ELAVL2: variants seen among roughly 807,000 people sequenced by gnomAD.
ELAVL2 encodes ELAV like RNA binding protein 2.
Under a neutral mutation model 34.6 loss-of-function variants are expected in ELAVL2, and 4 were observed. The observed-to-expected ratio is 0.12, with a 90% CI of 0.06 to 0.26. The LOEUF (loss-of-function observed/expected upper bound fraction) is 0.26, where lower values mean the gene tolerates loss of function less well. ELAVL2 is among the 10% of genes least tolerant of loss of function. The pLI is 1.00. For missense variants in ELAVL2, 432 were observed against 442.8 expected, an observed-to-expected ratio of 0.98 and a Z score of 0.22; for synonymous variants, 193 against 154.8, an observed-to-expected ratio of 1.25 and a Z score of -1.83.
At position 23,692,259 on chromosome 9, in the gene ELAVL2, TC is replaced by T. The variant is rs1165981516; in HGVS notation, c.*297del. The T allele has an allele frequency of 7.9e-6, 2 of 252,964 alleles. No homozygotes were observed. The highest frequency in any genetic ancestry group is 1.5e-5 in the Non-Finnish European group (2 of 131,570). The allele number at this position is 252,964 out of a possible 1,614,324, so 15.7% of individuals were successfully genotyped here. A position where few individuals can be genotyped will look rare whatever the true frequency, so the allele number is the denominator to read the frequency against. On this transcript the variant is annotated 3_prime_UTR_variant, in exon 7 of 7. Transcript: ENST00000397312. Reference sequence around the variant, plus strand: ...CAGTTATGTAAAAAGAAAAGAAATGTCTTCCCTTAGCTGAAACACTTTAAAA... The same window carrying T: ...CAGTTATGTAAAAAGAAAAGAAATGTTTCCCTTAGCTGAAACACTTTAAAA...
rs753544119 is a variant in ELAVL2 at position 23,692,530 on chromosome 9, T to G, written c.*27A>C. Reference sequence around the variant, plus strand: ...TTGCCTTTGTTGTATAGTTTTCATATATAAATGGACTGAGGACAAGAGCTC... The same window carrying G: ...TTGCCTTTGTTGTATAGTTTTCATAGATAAATGGACTGAGGACAAGAGCTC... On this transcript the variant is annotated 3_prime_UTR_variant, in exon 7 of 7. Coordinates refer to ENST00000397312, the MANE Select transcript of ELAVL2 (RefSeq NM_004432.5). The G allele has an allele frequency of 1.9e-6, 3 of 1,585,106 alleles. No individual in the cohort carries two copies. The South Asian group carries it at 3.4e-5, about 18-fold the overall frequency.
chr9:23,758,075 A>G (rs1395873344), intron 2 of ELAVL2, among the ~76,000 whole-genome samples: 2 of 152,130 alleles, frequency 1.3e-5, no homozygotes, highest in Admixed American at 6.6e-5. Context: ...ATGCTCCTAC[A>G]AAATCGGAAT....
At chr9:23,755,679 C>G (rs760070985) in intron 2 of ELAVL2, among the ~76,000 whole-genome samples, 1 of 152,132 alleles carries the variant, frequency 6.6e-6, no homozygotes, top group African/African-American at 2.4e-5. Context: ...CCACAGTTAA[C>G]GCACTGCGGA....
At chr9:23,821,049 G>T (rs899768731) in intron 1 of ELAVL2, among the ~76,000 whole-genome samples, 1 of 152,184 alleles carries the variant, frequency 6.6e-6, no homozygotes, top group Non-Finnish European at 1.5e-5. Context: ...GAGCTCCAAG[G>T]ACCGCGCGCG....
chr9:23,703,406 A>C (rs149547467), intron 4 of ELAVL2, among the ~76,000 whole-genome samples: 2 of 152,216 alleles, frequency 1.3e-5, no homozygotes, highest in Admixed American at 6.5e-5. Context: ...GTGGCAATGT[A>C]TAAGTATTAT....
intron 3 of ELAVL2, among the ~76,000 whole-genome samples, chr9:23,728,417 G>A (rs2045774316): frequency 6.6e-6 from 1 of 152,096 alleles, no homozygotes; most frequent in African/African-American, 2.4e-5. Flanking sequence ...CTGGGAGTAA[G>A]ATCAGCTTAC....
chr9:23,733,592 T>C (rs558946716), intron 2 of ELAVL2, among the ~76,000 whole-genome samples: 2 of 152,328 alleles, frequency 1.3e-5, no homozygotes, highest in South Asian at 4.1e-4. Context: ...TCAAGTTACC[T>C]ATTACTTCAA....
chr9:23,719,697 C>A (rs979827156), intron 3 of ELAVL2, among the ~76,000 whole-genome samples: 3 of 152,038 alleles, frequency 2.0e-5, no homozygotes, highest in African/African-American at 7.2e-5. Flanking sequence ...TATAATAGAG[C>A]AAATTCCCAT....
chr9:23,692,380 A>AG lies in ELAVL2; in HGVS notation c.*176dup. On this transcript the variant is annotated 3_prime_UTR_variant, in exon 7 of 7. Transcript: ENST00000397312. Reference sequence around the variant, plus strand: ...ATTCAAACATAAAAGATATTTAAGAAGTTTTAATTCAAATACTAGCAATAA... The same window carrying AG: ...ATTCAAACATAAAAGATATTTAAGAAGGTTTTAATTCAAATACTAGCAATAA... The AG allele has an allele frequency of 1.5e-6, 1 of 666,850 alleles. No individual in the cohort carries two copies. Among genetic ancestry groups the AG allele is most frequent in the Non-Finnish European group, 2.4e-6 (1 of 408,746 alleles). The allele number at this position is 666,850 out of a possible 1,614,324, so 41.3% of individuals were successfully genotyped here.
At chr9:23,839,482 T>C in the ELAVL2 span, among the ~76,000 whole-genome samples, 22 of 152,234 alleles carry the variant, frequency 1.4e-4, no homozygotes, top group Middle Eastern at 3.4e-3. Flanking sequence ...AGGAAAACTG[T>C]ATAAACCCAT....
intron 1 of ELAVL2, among the ~76,000 whole-genome samples, chr9:23,801,338 A>AG (rs891238063): frequency 1.6e-4 from 25 of 152,234 alleles, no homozygotes; most frequent in African/African-American, 6.0e-4. Context: ...TAAAGCTACA[A>AG]GGGATTTCAA....
intron 2 of ELAVL2, among the ~76,000 whole-genome samples, chr9:23,750,334 A>G (rs948180174): frequency 2.0e-5 from 3 of 151,366 alleles, no homozygotes; most frequent in Admixed American, 6.6e-5. Context: ...TATTGATATA[A>G]AACACAGTAA....
chr9:23,705,212 A>G, intron 3 of ELAVL2, 141 bp from the exon 4 acceptor site: 1 of 909,110 alleles, frequency 1.1e-6, no homozygotes, highest in Non-Finnish European at 1.6e-6. Flanking sequence ...TAACTGCTTT[A>G]TTCATTTCCA....
rs140368787 is a variant in ELAVL2 at position 23,783,029 on chromosome 9, T to C, written c.-15-20780A>G. Among the ~76,000 whole-genome samples the C allele has an allele frequency of 5.3e-5, 8 of 152,316 alleles. No individual in the cohort carries two copies. The East Asian group carries it at 1.5e-3, about 29-fold the overall frequency. ...TGAGTCTGCAGATATCCCAAGATAC[T>C]AACTGGTAACTATTTGGCTAGAGTG... is the stretch of plus-strand genomic sequence containing the variant. On this transcript the variant is annotated intron_variant, in intron 1 of 6. Coordinates refer to ENST00000397312, the MANE Select transcript of ELAVL2 (RefSeq NM_004432.5).
Position 23,786,062 on chromosome 9 carries a change from T to G in ELAVL2, c.-15-23813A>C, listed in dbSNP as rs572073418. 5.9e-5 allele frequency among the ~76,000 whole-genome samples: 9 copies of G among 152,320 alleles called. No homozygotes were observed. The South Asian group carries it at 1.9e-3, about 32-fold the overall frequency. ...CTCAAGCTAGCTGAACTTGAGAGACTTCTAAGTCTATCCAAGGACATTTGA... is the reference window on the plus strand; with the variant it reads ...CTCAAGCTAGCTGAACTTGAGAGACGTCTAAGTCTATCCAAGGACATTTGA... On this transcript the variant is annotated intron_variant, in intron 1 of 6. Coordinates refer to ENST00000397312, the MANE Select transcript of ELAVL2 (RefSeq NM_004432.5).
At chr9:23,792,455 C>T (rs1174698680) in intron 1 of ELAVL2, among the ~76,000 whole-genome samples, 2 of 152,148 alleles carry the variant, frequency 1.3e-5, no homozygotes, top group East Asian at 1.9e-4. Flanking sequence ...ATATCTACCC[C>T]TCATCCTCCA....
At chr9:23,822,743 A>T (rs1006681691) in intron 1 of ELAVL2, among the ~76,000 whole-genome samples, 3 of 152,248 alleles carry the variant, frequency 2.0e-5, no homozygotes, top group African/African-American at 7.2e-5. Flanking sequence ...TACTACATTT[A>T]AAAAATCACC....
the ELAVL2 span, among the ~76,000 whole-genome samples, chr9:23,842,162 A>G: frequency 1.4e-4 from 21 of 152,192 alleles, no homozygotes; most frequent in African/African-American, 5.1e-4. Context: ...TTGAAATTTC[A>G]GAGAGGAGAG....
At chr9:23,765,206 A>C (rs1443655310) in intron 1 of ELAVL2, 1 of 971,106 alleles carries the variant, frequency 1.0e-6, no homozygotes, top group African/African-American at 1.7e-5. Context: ...CAGCACGTCC[A>C]TGCAGTGTGG....
Sources: gnomAD v4.1 joint callset for allele counts (sites outside exome capture counted in the v4.1 genomes callset) on GRCh38, gnomAD v4.1.1 for gene constraint, MANE v1.5 for transcripts, NCBI Gene and HGNC (gene_info 2026-07-23, HGNC 2026-07-21) for gene names.